Variants in RBFOX1 observed in about 807,000 individuals in gnomAD.
The protein encoded by RBFOX1 is RNA binding protein fox-1 homolog 1.
RBFOX1 carries 8 observed loss-of-function variants against 57.7 expected under a neutral mutation model. That is an observed-to-expected ratio of 0.14 (90% confidence interval 0.08 to 0.25). RBFOX1 has a LOEUF of 0.25. Among genes scored for constraint, RBFOX1 ranks in the 10% least tolerant of loss-of-function variants. RBFOX1 has a pLI of 1.00. For synonymous variants in RBFOX1, 326 were observed against 222.4 expected (o/e 1.47, Z -4.15); for missense variants, 611 against 548.5 (o/e 1.11, Z -1.14).
chr16:6,553,416 C>A (rs1219270228), intron 2 of RBFOX1, among the ~76,000 whole-genome samples: 1 of 152,176 alleles, frequency 6.6e-6, no homozygotes, highest in Non-Finnish European at 1.5e-5. Context: ...AAGGAGAATG[C>A]TCTTTTTGAG....
At chr16:6,220,121 A>T (rs1478997683) in intron 1 of RBFOX1, among the ~76,000 whole-genome samples, 1 of 152,018 alleles carries the variant, frequency 6.6e-6, no homozygotes, top group Non-Finnish European at 1.5e-5. Context: ...TTTATCATTT[A>T]TCTGTATATC....
In RBFOX1 at chr16:6,885,304, C is replaced by G. The variant is rs369096736; in HGVS notation, c.-15-166753C>G. ...AGACGCGTGTTCTCTATCCTCGCTG[C>G]AGGCAAACTGAGTCAGAAGCTCTAG... On this transcript the variant is annotated intron_variant, in intron 3 of 15. Transcript: ENST00000550418. Among the ~76,000 whole-genome samples, 10 of 152,288 alleles carry G rather than the reference C, an allele frequency of 6.6e-5. 2 individuals are homozygous for G. Among genetic ancestry groups the G allele is most frequent in the East Asian group, 1.9e-4 (1 of 5,168 alleles).
chr16:5,409,743 G>T (rs190154006), intron 1 of RBFOX1, among the ~76,000 whole-genome samples: 95 of 152,184 alleles, frequency 6.2e-4, no homozygotes, highest in African/African-American at 2.0e-3. Flanking sequence ...AAGTATTCCA[G>T]TCTCTTAAAA....
At chr16:7,349,997 A>C (rs1354105637) in intron 4 of RBFOX1, among the ~76,000 whole-genome samples, 1 of 152,062 alleles carries the variant, frequency 6.6e-6, no homozygotes, top group African/African-American at 2.4e-5. Context: ...AACATACAAA[A>C]ATTAGCTGGC....
chr16:5,322,545 G>C (rs1477932205), intron 1 of RBFOX1, among the ~76,000 whole-genome samples: 1 of 152,086 alleles, frequency 6.6e-6, no homozygotes, highest in Non-Finnish European at 1.5e-5. Flanking sequence ...GCAAGACTAG[G>C]TCTCCAAATC....
intron 4 of RBFOX1, among the ~76,000 whole-genome samples, chr16:7,263,047 C>A (rs111283572): frequency 6.6e-6 from 1 of 152,194 alleles, no homozygotes; most frequent in Non-Finnish European, 1.5e-5. Context: ...AATGACTGTT[C>A]TCTCCTCTAG....
At chr16:6,320,057 C>T (rs561282911) in intron 2 of RBFOX1, among the ~76,000 whole-genome samples, 3 of 152,022 alleles carry the variant, frequency 2.0e-5, no homozygotes, top group Non-Finnish European at 4.4e-5. Context: ...CAAAAGCATA[C>T]TCTTAATATA....
intron 1 of RBFOX1, among the ~76,000 whole-genome samples, chr16:6,067,220 T>C (rs1459340926): frequency 1.3e-5 from 2 of 152,160 alleles, no homozygotes; most frequent in African/African-American, 2.4e-5. Flanking sequence ...CTACAGGGCA[T>C]GCAGGCCAAA....
intron 3 of RBFOX1, among the ~76,000 whole-genome samples, chr16:6,821,896 G>C (rs1033925237): frequency 3.3e-5 from 5 of 152,120 alleles, no homozygotes; most frequent in African/African-American, 4.8e-5. Flanking sequence ...GAAATTGCTA[G>C]GTCATATGGT....
At chr16:7,317,523 C>T (rs948422632) in intron 4 of RBFOX1, among the ~76,000 whole-genome samples, 1 of 152,162 alleles carries the variant, frequency 6.6e-6, no homozygotes, top group African/African-American at 2.4e-5. Context: ...CAACTGGTCT[C>T]ATGTATGAGT....
chr16:6,335,891 T>G (rs1290077031), intron 2 of RBFOX1, among the ~76,000 whole-genome samples: 1 of 150,540 alleles, frequency 6.6e-6, no homozygotes, highest in Admixed American at 6.6e-5. Context: ...CCTATGTCCA[T>G]ATGTCCATCA....
chr16:6,533,345 T>C (rs748678634), intron 2 of RBFOX1, among the ~76,000 whole-genome samples: 3 of 152,054 alleles, frequency 2.0e-5, no homozygotes, highest in Non-Finnish European at 4.4e-5. Context: ...GCTCAGAAAA[T>C]AGACAAAAGG....
chr16:5,412,261 G>C (rs574352182), intron 1 of RBFOX1, among the ~76,000 whole-genome samples: 1 of 151,914 alleles, frequency 6.6e-6, no homozygotes. Flanking sequence ...CCTCATCTCT[G>C]AGTTAGGAAC....
intron 4 of RBFOX1, among the ~76,000 whole-genome samples, chr16:7,464,688 C>CTTTTTTTTTTTTTTTTTTT (rs57553411): frequency 1.6e-5 from 1 of 62,232 alleles, no homozygotes; most frequent in African/African-American, 6.9e-5. Context: ...TATTGTCTGT[C>CTTTTTTTTTTTTTTTTTTT]TTTTTTTTTT....
chr16:5,780,328 C>G (rs1390446045), intron 3 of RBFOX1, among the ~76,000 whole-genome samples: 2 of 152,080 alleles, frequency 1.3e-5, no homozygotes, highest in Non-Finnish European at 2.9e-5. Flanking sequence ...TCTTTCTTAC[C>G]TTTCTATAAT....
chr16:6,102,457 T>A (rs766887357), intron 1 of RBFOX1, among the ~76,000 whole-genome samples: 7 of 152,196 alleles, frequency 4.6e-5, no homozygotes, highest in African/African-American at 1.7e-4. Flanking sequence ...ACATCAATCA[T>A]TGAATTGCAC....
chr16:5,418,574 G>A (rs1211298747), intron 1 of RBFOX1, among the ~76,000 whole-genome samples: 1 of 152,110 alleles, frequency 6.6e-6, no homozygotes, highest in East Asian at 1.9e-4. Flanking sequence ...TTGTCTGTGA[G>A]CTGGAATGTG....
intron 3 of RBFOX1, among the ~76,000 whole-genome samples, chr16:6,884,250 G>T (rs1307475410): frequency 6.6e-6 from 1 of 152,130 alleles, no homozygotes; most frequent in Non-Finnish European, 1.5e-5. Flanking sequence ...AGGGAGCGTG[G>T]CAATAAGTAT....
chr16:7,275,500 A>G (rs1224053654), intron 4 of RBFOX1, among the ~76,000 whole-genome samples: 3 of 152,208 alleles, frequency 2.0e-5, no homozygotes. Flanking sequence ...ATGCCTGCAT[A>G]TATGTGCTTC....
Sources: gnomAD v4.1 joint callset for allele counts (sites outside exome capture counted in the v4.1 genomes callset) on GRCh38, gnomAD v4.1.1 for gene constraint, MANE v1.5 for transcripts, NCBI Gene and HGNC (gene_info 2026-07-23, HGNC 2026-07-21) for gene names.